The following ZFHX3 variants were observed in gnomAD, a reference collection of about 807,000 sequenced individuals.
ZFHX3 encodes the protein zinc finger homeobox protein 3.
In ZFHX3, 42 loss-of-function variants were observed where a neutral mutation model predicts 279.1. The ratio of observed to expected loss-of-function variants is 0.15; its 90% confidence interval spans 0.12 to 0.19. The LOEUF is 0.19. ZFHX3 is among the 10% of genes least tolerant of loss of function. The probability of loss-of-function intolerance (pLI) is 1.00; values close to 1 mark genes in which losing one functional copy is unlikely to be tolerated. For missense variants in ZFHX3, 4,981 were observed against 4,754.0 expected, an observed-to-expected ratio of 1.05 and a Z score of -1.40; for synonymous variants, 2,293 against 1,957.8, an observed-to-expected ratio of 1.17 and a Z score of -4.52.
chr16:72,979,675 T>A, intron 1 of ZFHX3, among the ~76,000 whole-genome samples: 1 of 152,136 alleles, frequency 6.6e-6, no homozygotes, highest in Non-Finnish European at 1.5e-5. Flanking sequence ...CCCATAAGAA[T>A]ACCTAGCACA....
At chr16:73,113,188 C>T (rs376674708) in intron 7 of ZFHX3, among the ~76,000 whole-genome samples, 2 of 151,678 alleles carry the variant, frequency 1.3e-5, no homozygotes, top group East Asian at 3.9e-4. Flanking sequence ...GGGCAAGAGG[C>T]CTGGAGAAAG....
chr16:73,279,110 C>A (rs1034362806), intron 4 of ZFHX3, among the ~76,000 whole-genome samples: 2 of 152,160 alleles, frequency 1.3e-5, no homozygotes, highest in Non-Finnish European at 2.9e-5. Context: ...CAATGCTAAT[C>A]ATCTTAGGGA....
intron 5 of ZFHX3, among the ~76,000 whole-genome samples, chr16:73,202,774 A>T (rs1183869606): frequency 1.3e-5 from 2 of 151,914 alleles, no homozygotes; most frequent in African/African-American, 4.8e-5. Context: ...CTCTGGAACG[A>T]CCACCTCCTT....
chr16:73,632,718 C>T (rs2386710), intron 2 of ZFHX3, among the ~76,000 whole-genome samples: 1 of 151,522 alleles, frequency 6.6e-6, no homozygotes, highest in African/African-American at 2.4e-5. Flanking sequence ...AGTCATGATT[C>T]TGTGGACTCC....
intron 2 of ZFHX3, among the ~76,000 whole-genome samples, chr16:73,640,371 T>G (rs552442820): frequency 6.6e-6 from 1 of 152,114 alleles, no homozygotes; most frequent in South Asian, 2.1e-4. Context: ...GCAAGTCAAA[T>G]AACGGAAGAT....
chr16:73,117,527 G>A (rs1966446427), intron 7 of ZFHX3, among the ~76,000 whole-genome samples: 1 of 152,214 alleles, frequency 6.6e-6, no homozygotes, highest in Admixed American at 6.6e-5. Context: ...CAATGGAGTT[G>A]TCTAGAGGCA....
At chr16:73,797,956 G>A (rs759403931) in intron 1 of ZFHX3, among the ~76,000 whole-genome samples, 12 of 151,706 alleles carry the variant, frequency 7.9e-5, no homozygotes, top group Admixed American at 3.9e-4. Context: ...ACAGGCGCTC[G>A]CCACTATATC....
chr16:73,687,043 TATATATATATATATATATATA>T, intron 1 of ZFHX3, among the ~76,000 whole-genome samples: 1 of 112,174 alleles, frequency 8.9e-6, no homozygotes, highest in East Asian at 2.9e-4. Flanking sequence ...TATATATATA[TATATATATATATATATATATA>T]TTTGCAGCTT....
intron 3 of ZFHX3, among the ~76,000 whole-genome samples, chr16:72,893,632 T>A (rs1357672518): frequency 6.6e-6 from 1 of 152,230 alleles, no homozygotes; most frequent in Non-Finnish European, 1.5e-5. Context: ...CTGCCATGAA[T>A]TATTCTGTCT....
intron 2 of ZFHX3, among the ~76,000 whole-genome samples, chr16:73,639,227 G>A (rs946833143): frequency 1.3e-5 from 2 of 152,134 alleles, no homozygotes; most frequent in African/African-American, 4.8e-5. Flanking sequence ...AGCAGCATTT[G>A]CTGCTGTGGT....
chr16:73,058,941 GGGAGGA>G (rs547025423), exon 1 of ZFHX3: 6 of 170,122 alleles, frequency 3.5e-5, no homozygotes, highest in Non-Finnish European at 7.4e-5. Context: ...GGCTGCGGCC[GGGAGGA>G]GGAGGAGGAG....
At chr16:73,321,861 GA>G (rs1160671503) in intron 3 of ZFHX3, among the ~76,000 whole-genome samples, 3 of 152,254 alleles carry the variant, frequency 2.0e-5, no homozygotes, top group Admixed American at 6.5e-5. Flanking sequence ...GAGAGAGAGA[GA>G]GAGATTGAGA....
chr16:73,195,695 G>A (rs1020490596), intron 5 of ZFHX3, among the ~76,000 whole-genome samples: 1 of 152,152 alleles, frequency 6.6e-6, no homozygotes, highest in African/African-American at 2.4e-5. Context: ...GGGATTACAG[G>A]CGTGAGCCAC....
chr16:73,285,742 G>C (rs894198711), intron 4 of ZFHX3, among the ~76,000 whole-genome samples: 5 of 152,178 alleles, frequency 3.3e-5, no homozygotes, highest in African/African-American at 1.2e-4. Flanking sequence ...TTATTTCTCT[G>C]AGAGTCTAGG....
intron 5 of ZFHX3, among the ~76,000 whole-genome samples, chr16:72,828,939 C>T (rs989698644): frequency 6.6e-6 from 1 of 152,008 alleles, no homozygotes; most frequent in African/African-American, 2.4e-5. Context: ...AATCTGCCGA[C>T]CTCAGCCTCC....
intron 2 of ZFHX3, among the ~76,000 whole-genome samples, chr16:73,654,899 C>T (rs368078620): frequency 1.6e-5 from 2 of 122,590 alleles, no homozygotes; most frequent in South Asian, 2.7e-4. Context: ...CTCACTGTGT[C>T]GCCCAGGTTG....
chr16:72,930,778 T>C (rs531803470), intron 3 of ZFHX3, among the ~76,000 whole-genome samples: 1 of 152,240 alleles, frequency 6.6e-6, no homozygotes, highest in South Asian at 2.1e-4. Flanking sequence ...ACGGTTCTGG[T>C]AAGAATAAAT....
At chr16:73,623,252 G>T (rs1331416750) in intron 2 of ZFHX3, among the ~76,000 whole-genome samples, 1 of 152,086 alleles carries the variant, frequency 6.6e-6, no homozygotes, top group African/African-American at 2.4e-5. Context: ...TAGCAAGGAT[G>T]GTCTCAATCT....
At chr16:73,006,237 T>C (rs974984526) in intron 1 of ZFHX3, 2 of 152,246 alleles carry the variant, frequency 1.3e-5, no homozygotes, top group Non-Finnish European at 2.9e-5. Context: ...TCTGAGGGTG[T>C]TGGCTGCCTG....
Sources: gnomAD v4.1 joint callset for allele counts (sites outside exome capture counted in the v4.1 genomes callset) on GRCh38, gnomAD v4.1.1 for gene constraint, MANE v1.5 for transcripts, NCBI Gene and HGNC (gene_info 2026-07-23, HGNC 2026-07-21) for gene names.